HCN4: variants seen among roughly 807,000 people sequenced by gnomAD.
HCN4 encodes the protein hyperpolarization activated cyclic nucleotide gated potassium channel 4.
A neutral mutation model predicts 76.9 loss-of-function variants in HCN4; 29 were observed. That is an observed-to-expected ratio of 0.38 (90% CI 0.28 to 0.51). The LOEUF (loss-of-function observed/expected upper bound fraction) is 0.51. HCN4 is among the 20% of genes least tolerant of loss of function. The pLI is 0.90. For synonymous variants in HCN4, 772 were observed against 762.5 expected (o/e 1.01, Z -0.21); for missense variants, 1,416 against 1,715.2 (o/e 0.83, Z 3.08).
chr15:73,366,104 G>A (rs566675764), intron 1 of HCN4, among the ~76,000 whole-genome samples: 1 of 152,278 alleles, frequency 6.6e-6, no homozygotes, highest in South Asian at 2.1e-4. Context: ...TGTTTAGCCT[G>A]CCCTCTGGTC....
chr15:73,322,566 C>A lies in HCN4; in HGVS notation c.3527G>T (p.Gly1176Val). Residue 1176 changes from glycine (G) to valine (V), a missense_variant, in exon 8 of 8, where the codon GGG becomes GTG. Physicochemically the swap from Gly to Val is moderately radical, Grantham distance 109. Around this residue, in one of 6 missense-constraint regions of HCN4, gnomAD observed 633 missense variants for 579.8 expected, o/e 1.09. Coordinates refer to ENST00000261917, the MANE Select transcript of HCN4 (RefSeq NM_005477.3). ...GGGTCCAGCAGTCAGAGGGGGCCCC[C>A]CAGAAGAGGTGGCTCTTGCCCCAAA... The part of the protein sequence containing the change: ...SLFGARATSS[G>V]GPPLTAGPQR... 6.2e-7 allele frequency: 1 copy of A among 1,608,394 alleles called. No homozygotes were observed. Among genetic ancestry groups the A allele is most frequent in the Non-Finnish European group, 8.5e-7 (1 of 1,177,750 alleles).
At chr15:73,333,917 C>T (rs2042947578) in intron 2 of HCN4, among the ~76,000 whole-genome samples, 1 of 152,228 alleles carries the variant, frequency 6.6e-6, no homozygotes, top group Admixed American at 6.5e-5. Flanking sequence ...GTAGCCAGGT[C>T]TGCCTGATTC....
At chr15:73,362,854 TGCAGCAGGGAGAACCTGGAGCCGAG>T (rs552536842) in intron 1 of HCN4, among the ~76,000 whole-genome samples, 14 of 152,318 alleles carry the variant, frequency 9.2e-5, no homozygotes, top group Non-Finnish European at 2.1e-4. Context: ...ACTTGAGCCT[TGCAGCAGGGAGAACCTGGAGCCGAG>T]GCCTCTCTAG....
In HCN4 at chr15:73,367,747, G is replaced by A. The variant is rs1464305426; in HGVS notation, c.524C>T (p.Ala175Val). 6.4e-7 allele frequency: 1 copy of A among 1,570,206 alleles called. No individual in the cohort carries two copies. Among genetic ancestry groups the A allele is most frequent in the South Asian group, 1.1e-5 (1 of 88,272 alleles). ...CGAGGGCTGCTCGCAGGAGGCGGAGGCCGGCTGCGGTGGCTGCTGGGGCGG... is the reference window on the plus strand; with the variant it reads ...CGAGGGCTGCTCGCAGGAGGCGGAGACCGGCTGCGGTGGCTGCTGGGGCGG... ...PPPPQQPPQP[A>V]SASCEQPSVD... is the part of the protein sequence containing the mutation. The change falls in exon 1 of 8, where the codon GCC becomes GTC. Residue 175 changes from alanine to valine, a missense_variant. This residue lies in a region of HCN4 where 355 missense variants were observed against 347.8 expected (regional missense o/e 1.02). Coordinates refer to ENST00000261917, the MANE Select transcript of HCN4 (RefSeq NM_005477.3). The surrounding 1 kb of genome is among the most constrained non-coding windows in gnomAD (Gnocchi z 7.5).
rs1004749861 is a variant in HCN4, at chr15:73,325,139, A to C, written c.1794T>G (p.Asn598Lys). 6.2e-7 allele frequency: 1 copy of C among 1,614,216 alleles called. No individual in the cohort carries two copies. Among genetic ancestry groups the C allele is most frequent in the Admixed American group, 1.7e-5 (1 of 60,030 alleles). ...TGGACGTCACGAAGTTGGGGTCCGCATTGGCAAACAGTGGCATGGAGGCCA... is the reference window on the plus strand; with the variant it reads ...TGGACGTCACGAAGTTGGGGTCCGCCTTGGCAAACAGTGGCATGGAGGCCA... ...KLVASMPLFA[N>K]ADPNFVTSML... The change falls in exon 6 of 8, where the codon AAT becomes AAG. Residue 598 changes from asparagine (N) to lysine (K), a missense_variant. This residue lies in a region of HCN4 where 241 missense variants were observed against 379.4 expected (regional missense o/e 0.64). Transcript: ENST00000261917. This position sits in a 1 kb window ranked among gnomAD's most constrained non-coding sequence, Gnocchi z 7.4.
At position 73,322,722 on chromosome 15, in the gene HCN4, C is replaced by T. The variant is rs981056449; in HGVS notation, c.3371G>A (p.Gly1124Asp). ...AAFPLFPRAGGGSGGSGSSGG... is the reference protein window; with the variant it reads ...AAFPLFPRAGDGSGGSGSSGG... ...GCTGCTCCCACTGCCCCCGCTGCCA[C>T]CCCCAGCCCTGGGGAAGAGCGGGAA... The change falls in exon 8 of 8, where the codon GGT (glycine) becomes GAT (aspartate). Residue 1124 changes from glycine (G) to aspartate (D), a missense_variant. Transcript: ENST00000261917. The T allele has an allele frequency of 5.8e-6, 9 of 1,564,362 alleles. No homozygotes were observed. In the African/African-American group the frequency reaches 1.1e-4, roughly 19 times the overall value.
At chr15:73,359,700 C>A (rs1325003656) in intron 1 of HCN4, among the ~76,000 whole-genome samples, 1 of 152,168 alleles carries the variant, frequency 6.6e-6, no homozygotes, top group African/African-American at 2.4e-5. Context: ...TGAGCCCCGA[C>A]CATTGTCAGA....
Position 73,323,133 on chromosome 15 carries a change from G to A in HCN4, c.2960C>T (p.Ala987Val). ...CTCTGGCGTGCTCAGTGGGCCAGTG[G>A]CCAGACCTAGGGACAACTCCCCGGG... Reference protein sequence around the residue: ...QPPGELSLGLATGPLSTPETP... With the variant: ...QPPGELSLGLVTGPLSTPETP... Residue 987 changes from alanine (A) to valine (V), a missense_variant, in exon 8 of 8, where the codon GCC (alanine) becomes GTC (valine). Ala to Val is a moderately conservative substitution (Grantham distance 64). Around this residue, in one of 6 missense-constraint regions of HCN4, gnomAD observed 633 missense variants for 579.8 expected, o/e 1.09. Coordinates refer to ENST00000261917, the MANE Select transcript of HCN4 (RefSeq NM_005477.3). 1.3e-6 allele frequency: 2 copies of A among 1,592,394 alleles called. No individual in the cohort carries two copies. The highest frequency in any genetic ancestry group is 8.5e-7 in the Non-Finnish European group (1 of 1,171,096).
chr15:73,329,447 C>T (rs2042919345), intron 4 of HCN4, 126 bp downstream of exon 4: 1 of 831,866 alleles, frequency 1.2e-6, no homozygotes, highest in Admixed American at 2.3e-5. Context: ...GCTCTTCCCT[C>T]ACACTGGGAG....
rs534551260 is a variant in HCN4 at position 73,337,427 on chromosome 15, G to A, written c.1210-5135C>T. Among the ~76,000 whole-genome samples the A allele has an allele frequency of 1.9e-4, 29 of 152,328 alleles. No individual in the cohort carries two copies. The East Asian group carries it at 1.9e-3, about 10-fold the overall frequency. ...CATATGGGAGCTCAAGGAAGCCTCC[G>A]GGCATGGCTAGAAAGAGTCCCAGAC... On this transcript the variant is annotated intron_variant, in intron 2 of 7. Transcript: ENST00000261917.
chr15:73,344,793 G>T (rs1385743520), intron 1 of HCN4, among the ~76,000 whole-genome samples: 1 of 152,024 alleles, frequency 6.6e-6, no homozygotes, highest in Non-Finnish European at 1.5e-5. Flanking sequence ...CCAAGCAGGG[G>T]GCCTTCTGGA....
intron 4 of HCN4, among the ~76,000 whole-genome samples, chr15:73,329,152 T>G (rs1595822682): frequency 6.6e-6 from 1 of 151,572 alleles, no homozygotes; most frequent in South Asian, 2.1e-4. Flanking sequence ...CCAGTGGCAG[T>G]GACTGGGAAG....
chr15:73,347,317 GAGTTCTT>G (rs2043033932), intron 1 of HCN4, among the ~76,000 whole-genome samples: 1 of 152,200 alleles, frequency 6.6e-6, no homozygotes, highest in South Asian at 2.1e-4. Flanking sequence ...TCCAGAGTTT[GAGTTCTT>G]GGGGTTGTGG....
chr15:73,343,479 C>T lies in HCN4; in HGVS notation c.1115G>A (p.Arg372Gln), dbSNP rs748658688. 6.8e-6 allele frequency: 11 copies of T among 1,614,062 alleles called. No individual in the cohort carries two copies. Among genetic ancestry groups the T allele is most frequent in the East Asian group, 4.5e-5 (2 of 44,900 alleles). ...RIDSEVYKTA[R>Q]ALRIVRFTKI... ...CGTGAAGCGGACAATGCGCAGGGCC[C>T]GGGCAGTCTTGTAGACCTCCGAGTC... Residue 372 changes from arginine to glutamine, a missense_variant, in exon 2 of 8, where the codon CGG (arginine) becomes CAG (glutamine). Arg to Gln is a conservative substitution (Grantham distance 43, BLOSUM62 1). Around this residue, in one of 6 missense-constraint regions of HCN4, gnomAD observed 112 missense variants for 259.9 expected, o/e 0.43. Transcript: ENST00000261917. The surrounding 1 kb of genome is among the most constrained non-coding windows in gnomAD (Gnocchi z 5.7).
At position 73,329,489 on chromosome 15, in the gene HCN4, G is replaced by A. The variant is rs920193136; in HGVS notation, c.1590+84C>T. The A allele has an allele frequency of 5.2e-6, 7 of 1,335,422 alleles. No homozygotes were observed. The Admixed American group carries it at 5.3e-5, about 10-fold the overall frequency. The allele number at this position is 1,335,422 out of a possible 1,614,324, so 82.7% of individuals were successfully genotyped here. A position where few individuals can be genotyped will look rare whatever the true frequency, so the allele number is the denominator to read the frequency against. ...TCCTGTGGGGTGGGAGCAGGGGGCGGTTCCTGCTGGGGGCCCACTGGCTGG... is the reference window on the plus strand; with the variant it reads ...TCCTGTGGGGTGGGAGCAGGGGGCGATTCCTGCTGGGGGCCCACTGGCTGG... On this transcript the variant is annotated intron_variant, in intron 4 of 7. Transcript: ENST00000261917.
rs1405917222 is a variant in HCN4 at position 73,329,594 on chromosome 15, G to C, written c.1569C>G (p.Ser523=). 1.2e-6 allele frequency: 2 copies of C among 1,614,112 alleles called. No homozygotes were observed. Among genetic ancestry groups the C allele is most frequent in the South Asian group, 2.2e-5 (2 of 91,084 alleles). ...CTACCTTTTCCTGGTACTGGCGCCG[G>C]GAGGAGTCCAGGGACTGGATGAGGG... ...ATALIQSLDS[S]RRQYQEKYKQ... is the part of the protein sequence containing the mutation. The change falls in exon 4 of 8, where the codon TCC becomes TCG. Residue 523 remains serine (S), a synonymous_variant. Transcript: ENST00000261917.
At chr15:73,336,186 C>T (rs2042964533) in intron 2 of HCN4, among the ~76,000 whole-genome samples, 1 of 152,144 alleles carries the variant, frequency 6.6e-6, no homozygotes, top group Non-Finnish European at 1.5e-5. Flanking sequence ...GGTAGCAGAG[C>T]CCACAGCCAC....
At position 73,322,561 on chromosome 15, in the gene HCN4, G is replaced by T. The variant is rs1354805701; in HGVS notation, c.3532C>A (p.Pro1178Thr). Residue 1178 changes from proline to threonine, a missense_variant, in exon 8 of 8, where the codon CCC becomes ACC. Around this residue, in one of 6 missense-constraint regions of HCN4, gnomAD observed 633 missense variants for 579.8 expected, o/e 1.09. Transcript: ENST00000261917. The part of the protein sequence containing the change: ...FGARATSSGG[P>T]PLTAGPQREP... ...CTCTGGGGTCCAGCAGTCAGAGGGG[G>T]CCCCCCAGAAGAGGTGGCTCTTGCC... The T allele has an allele frequency of 6.2e-7, 1 of 1,607,752 alleles. No individual in the cohort carries two copies. Among genetic ancestry groups the T allele is most frequent in the Non-Finnish European group, 8.5e-7 (1 of 1,177,392 alleles).
At chr15:73,329,825 G>T in intron 3 of HCN4, 34 bp from the exon 4 acceptor site, 2 of 1,559,574 alleles carry the variant, frequency 1.3e-6, no homozygotes, top group Non-Finnish European at 8.8e-7. Flanking sequence ...GACAGTGGAT[G>T]AGAGGGAAGG....
Sources: gnomAD v4.1 joint callset for allele counts (sites outside exome capture counted in the v4.1 genomes callset) on GRCh38, gnomAD v4.1.1 for gene constraint, gnomAD v4.1.1 regional missense constraint, Gnocchi (gnomAD v3.1) non-coding constraint, MANE v1.5 for transcripts, NCBI Gene and HGNC (gene_info 2026-07-23, HGNC 2026-07-21) for gene names.